DBF4B: variants seen among roughly 807,000 people sequenced by gnomAD.
The protein encoded by DBF4B is DBF4B-CDC7 kinase regulatory subunit, also known as protein DBF4 homolog B.
Under a neutral mutation model 53.4 loss-of-function variants are expected in DBF4B, and 49 were observed. The ratio of observed to expected loss-of-function variants is 0.92; its 90% CI spans 0.73 to 1.16. DBF4B has a LOEUF of 1.16. Among genes scored for constraint, DBF4B ranks in the 50% most tolerant of loss-of-function variants. The pLI is 0.00. For missense variants in DBF4B, 692 were observed against 775.0 expected (o/e 0.89, Z 1.27); for synonymous variants, 257 against 288.7 (o/e 0.89, Z 1.11).
chr17:44,724,357 C>T (rs1471813013), intron 3 of DBF4B, among the ~76,000 whole-genome samples: 1 of 152,020 alleles, frequency 6.6e-6, no homozygotes, highest in Non-Finnish European at 1.5e-5. Context: ...ACAGCATGAC[C>T]CTGTCTCAAA....
chr17:44,714,312 G>A (rs556247689), intron 2 of DBF4B, among the ~76,000 whole-genome samples: 5 of 152,216 alleles, frequency 3.3e-5, no homozygotes, highest in African/African-American at 9.6e-5. Context: ...CTGTACCCCA[G>A]AAGCTATTGA....
intron 2 of DBF4B, among the ~76,000 whole-genome samples, chr17:44,717,779 C>T (rs935220927): frequency 6.6e-6 from 1 of 151,154 alleles, no homozygotes; most frequent in Admixed American, 6.6e-5. Flanking sequence ...CTTTGGGAGG[C>T]TGAGGTGAGA....
chr17:44,752,100 A>G lies in DBF4B; in HGVS notation c.*847A>G. The G allele has an allele frequency of 9.3e-7, 1 of 1,071,446 alleles. No homozygotes were observed. The highest frequency in any genetic ancestry group is 1.4e-6 in the Non-Finnish European group (1 of 726,550). The allele number at this position is 1,071,446 out of a possible 1,614,324, so 66.4% of individuals were successfully genotyped here. Reference sequence around the variant, plus strand: ...TGTGACCGATTGGTAGCTCCACCCCAACTCCCTTCTGCTGGGTGGAATGCA... The same window carrying G: ...TGTGACCGATTGGTAGCTCCACCCCGACTCCCTTCTGCTGGGTGGAATGCA... On this transcript the variant is annotated 3_prime_UTR_variant, in exon 14 of 14. Coordinates refer to ENST00000315005, the MANE Select transcript of DBF4B (RefSeq NM_145663.3).
At chr17:44,719,498 A>T (rs1298089120) in intron 2 of DBF4B, among the ~76,000 whole-genome samples, 2 of 152,074 alleles carry the variant, frequency 1.3e-5, no homozygotes, top group Admixed American at 6.6e-5. Context: ...TGTTTCTATA[A>T]ATTTGCCTCT....
chr17:44,742,177 G>A (rs1270361158), intron 10 of DBF4B, among the ~76,000 whole-genome samples: 1 of 151,916 alleles, frequency 6.6e-6, no homozygotes, highest in Non-Finnish European at 1.5e-5. Context: ...CTAAGGGGGC[G>A]GATCACTTCA....
intron 8 of DBF4B, 50 bp from the exon 9 acceptor site, chr17:44,738,329 C>T: frequency 1.3e-6 from 2 of 1,589,076 alleles, no homozygotes; most frequent in South Asian, 1.1e-5. Flanking sequence ...TGGTGCAGGC[C>T]CTGCACAGGG....
chr17:44,717,014 T>C (rs1313197764), intron 2 of DBF4B, among the ~76,000 whole-genome samples: 5 of 152,188 alleles, frequency 3.3e-5, no homozygotes, highest in African/African-American at 1.2e-4. Flanking sequence ...TCTGTCACTT[T>C]AGTGAGATTT....
At chr17:44,727,119 A>G (rs868345145) in intron 3 of DBF4B, among the ~76,000 whole-genome samples, 2 of 149,548 alleles carry the variant, frequency 1.3e-5, no homozygotes, top group African/African-American at 2.5e-5. Context: ...AAAAAAAAAA[A>G]AAACCATATA....
At chr17:44,717,930 G>A (rs570089624) in intron 2 of DBF4B, among the ~76,000 whole-genome samples, 36 of 152,004 alleles carry the variant, frequency 2.4e-4, no homozygotes, top group African/African-American at 8.7e-4. Context: ...AGGAGGCTCA[G>A]GGGGAGGATC....
At position 44,725,684 on chromosome 17, in the gene DBF4B, C is replaced by CTTTTTTTTTTTTTTTTTTTTTTT. The variant is rs68091397; in HGVS notation, c.225+2682_225+2683insTTTTTTTTTTTTTTTTTTTTTTT. 5.9e-4 allele frequency among the ~76,000 whole-genome samples: 52 copies of CTTTTTTTTTTTTTTTTTTTTTTT among 87,626 alleles called. 4 individuals carry two copies. Among genetic ancestry groups the CTTTTTTTTTTTTTTTTTTTTTTT allele is most frequent in the South Asian group, 1.7e-3 (4 of 2,376 alleles). The allele number at this position is 87,626 out of a possible 152,430, so 57.5% of individuals were successfully genotyped here. ...ATCCTGCCTTTGTTTTTTTGTGCTTCTTTTTTTTTTTTTTTTTTTTAAGAG... is the reference window on the plus strand; with the variant it reads ...ATCCTGCCTTTGTTTTTTTGTGCTTCTTTTTTTTTTTTTTTTTTTTTTTTTTTTTTTTTTTTTTTTTTTAAGAG... On this transcript the variant is annotated intron_variant, in intron 3 of 13. Transcript: ENST00000315005.
chr17:44,733,009 C>G (rs4545869), intron 6 of DBF4B: 29,496 of 151,068 alleles, frequency 0.2, 3,079 homozygotes, highest in African/African-American at 0.27. Flanking sequence ...ACTAAAAATA[C>G]AAAAAATCAG....
chr17:44,736,493 G>A (rs750601201), intron 7 of DBF4B, among the ~76,000 whole-genome samples: 40 of 152,198 alleles, frequency 2.6e-4, no homozygotes, highest in Non-Finnish European at 4.7e-4. Flanking sequence ...CGATGAGGTC[G>A]GTGGGTACTC....
chr17:44,727,341 C>T (rs964600906), intron 3 of DBF4B, among the ~76,000 whole-genome samples: 2 of 151,440 alleles, frequency 1.3e-5, no homozygotes, highest in South Asian at 2.1e-4. Flanking sequence ...ATCGCTTGGA[C>T]CCGGGAGGCA....
At chr17:44,727,410 C>T (rs983588731) in intron 3 of DBF4B, among the ~76,000 whole-genome samples, 1 of 151,870 alleles carries the variant, frequency 6.6e-6, no homozygotes, top group Admixed American at 6.6e-5. Context: ...CAGAGCAAGA[C>T]TCTGTCTCAA....
chr17:44,731,256 TG>T, intron 5 of DBF4B: 1 of 462,506 alleles, frequency 2.2e-6, no homozygotes, highest in East Asian at 4.3e-5. Context: ...CCAAGAGAAC[TG>T]TGGGGATGTG....
At chr17:44,732,335 A>C (rs1257829886) in intron 6 of DBF4B, 70 bp downstream of exon 6, 32 of 1,526,850 alleles carry the variant, frequency 2.1e-5, no homozygotes, top group Admixed American at 1.4e-4. Flanking sequence ...CAGCTTTTAG[A>C]AGGATCATGG....
At chr17:44,711,910 G>C (rs1351814783) in intron 2 of DBF4B, among the ~76,000 whole-genome samples, 1 of 151,530 alleles carries the variant, frequency 6.6e-6, no homozygotes, top group Non-Finnish European at 1.5e-5. Flanking sequence ...ACTCCAGCCT[G>C]GGCGACAGAG....
intron 4 of DBF4B, among the ~76,000 whole-genome samples, chr17:44,730,391 G>C (rs977485932): frequency 2.0e-5 from 3 of 152,188 alleles, no homozygotes; most frequent in African/African-American, 7.2e-5. Flanking sequence ...ATTGGTCTGC[G>C]CTTGGGCAGG....
At chr17:44,731,114 A>G in intron 5 of DBF4B, 99 bp downstream of exon 5, 3 of 1,321,522 alleles carry the variant, frequency 2.3e-6, no homozygotes, top group Non-Finnish European at 3.3e-6. Context: ...CACAAAATGC[A>G]CACTCTGCGA....
Sources: allele counts gnomAD v4.1 joint callset (sites outside exome capture counted in the v4.1 genomes callset), GRCh38; gene constraint gnomAD v4.1.1; transcripts MANE v1.5; gene names NCBI Gene and HGNC (gene_info 2026-07-23, HGNC 2026-07-21).